The following SHC4 variants were observed in gnomAD, a reference collection of about 807,000 sequenced individuals.
SHC4 encodes SHC adaptor protein 4, also known as SHC-transforming protein 4.
A neutral mutation model predicts 69.4 loss-of-function variants in SHC4; 41 were observed. The ratio of observed to expected loss-of-function variants is 0.59; its 90% confidence interval spans 0.46 to 0.77. The LOEUF (loss-of-function observed/expected upper bound fraction) is 0.77. Among genes scored for constraint, SHC4 ranks in the 30% least tolerant of loss-of-function variants. The pLI is 0.00. For missense variants in SHC4, 777 were observed against 783.8 expected, an observed-to-expected ratio of 0.99 and a Z score of 0.10; for synonymous variants, 318 against 299.3, an observed-to-expected ratio of 1.06 and a Z score of -0.64.
chr15:48,883,826 C>T (rs770875467), intron 4 of SHC4, among the ~76,000 whole-genome samples: 1 of 152,162 alleles, frequency 6.6e-6, no homozygotes, highest in Non-Finnish European at 1.5e-5. Flanking sequence ...AATTTCAGTT[C>T]GCTAGAACAT....
chr15:48,936,246 T>C (rs1901068246), intron 1 of SHC4, among the ~76,000 whole-genome samples: 1 of 152,232 alleles, frequency 6.6e-6, no homozygotes, highest in Non-Finnish European at 1.5e-5. Context: ...TGTTCAGTCA[T>C]TCACATTGGA....
At chr15:48,907,600 A>C (rs1053402996) in intron 2 of SHC4, among the ~76,000 whole-genome samples, 1 of 151,400 alleles carries the variant, frequency 6.6e-6, no homozygotes, top group African/African-American at 2.4e-5. Context: ...CCATTGCATC[A>C]TTCTCATGCC....
At chr15:48,908,595 T>G (rs150050339) in intron 2 of SHC4, among the ~76,000 whole-genome samples, 1,836 of 152,344 alleles carry the variant, frequency 0.012, 12 homozygotes, top group Middle Eastern at 0.027. Flanking sequence ...TTGCGTTTGC[T>G]TTTGGGTTCT....
intron 4 of SHC4, chr15:48,877,953 T>C: frequency 4.0e-6 from 2 of 499,812 alleles, no homozygotes; most frequent in Non-Finnish European, 3.5e-6. Context: ...AGATACGAAG[T>C]TCGAATCGAT....
At chr15:48,829,748 G>A (rs1898761195) in intron 11 of SHC4, among the ~76,000 whole-genome samples, 1 of 152,042 alleles carries the variant, frequency 6.6e-6, no homozygotes, top group Admixed American at 6.6e-5. Context: ...GTGAAACCTC[G>A]TCTCCACTAA....
chr15:48,866,128 GTGT>G (rs1405371491), intron 6 of SHC4, among the ~76,000 whole-genome samples: 2 of 152,110 alleles, frequency 1.3e-5, no homozygotes, highest in African/African-American at 2.4e-5. Flanking sequence ...AAGACAAAAA[GTGT>G]TGTTGTTCAG....
At chr15:48,915,310 C>A (rs1595755928) in intron 2 of SHC4, among the ~76,000 whole-genome samples, 1 of 152,180 alleles carries the variant, frequency 6.6e-6, no homozygotes. Context: ...TTGACTTTGT[C>A]ATGCTATCAG....
At chr15:48,888,950 T>C (rs1177576282) in intron 3 of SHC4, among the ~76,000 whole-genome samples, 2 of 146,960 alleles carry the variant, frequency 1.4e-5, no homozygotes, top group African/African-American at 2.5e-5. Flanking sequence ...CACAATAAAG[T>C]GGAGAGAAAA....
At chr15:48,919,816 G>C (rs56118127) in intron 2 of SHC4, among the ~76,000 whole-genome samples, 1 of 151,874 alleles carries the variant, frequency 6.6e-6, no homozygotes, top group Non-Finnish European at 1.5e-5. Flanking sequence ...TAACTGCTTA[G>C]AACACAATCA....
intron 1 of SHC4, among the ~76,000 whole-genome samples, chr15:48,942,418 C>A (rs563197786): frequency 6.6e-6 from 1 of 151,920 alleles, no homozygotes; most frequent in South Asian, 2.1e-4. Flanking sequence ...ATAACCAACA[C>A]CTTCAAGATG....
chr15:48,914,757 G>A (rs949822176), intron 2 of SHC4, among the ~76,000 whole-genome samples: 8 of 152,134 alleles, frequency 5.3e-5, no homozygotes, highest in East Asian at 1.9e-4. Flanking sequence ...ATAAATATAC[G>A]TAATACAAAA....
At chr15:48,872,185 T>C in intron 4 of SHC4, 43 bp from the exon 5 acceptor site, 3 of 1,171,100 alleles carry the variant, frequency 2.6e-6, no homozygotes, top group Non-Finnish European at 3.7e-6. Flanking sequence ...TTAATTGTTA[T>C]TTCTAGTTAT....
At chr15:48,880,974 ATG>A (rs1453607741) in intron 4 of SHC4, among the ~76,000 whole-genome samples, 1 of 126,636 alleles carries the variant, frequency 7.9e-6, no homozygotes, top group Non-Finnish European at 1.6e-5. Flanking sequence ...CTAAATGATG[ATG>A]TGTGTGAGAG....
At position 48,857,741 on chromosome 15, in the gene SHC4, G is replaced by A. The variant is rs199876035; in HGVS notation, c.1021C>T (p.Arg341Trp). 15 of 1,606,294 alleles carry A rather than the reference G, an allele frequency of 9.3e-6. No individual in the cohort carries two copies. Among genetic ancestry groups the A allele is most frequent in the East Asian group, 9.0e-5 (4 of 44,592 alleles). Residue 341 changes from arginine to tryptophan, a missense_variant, in exon 7 of 12, where the codon CGG (arginine) becomes TGG (tryptophan). Coordinates refer to ENST00000332408, the MANE Select transcript of SHC4 (RefSeq NM_203349.4). ...GGATTTTTCAAGTACTGTTTAAACC[G>A]GAGTTCAAAAGCCTGCCCTATGGTA... ...ISTIGQAFEL[R>W]FKQYLKNPSL...
In SHC4 at chr15:48,897,508, CCACACACACACA is replaced by C. The variant is rs57034071; in HGVS notation, c.657-6709_657-6698del. 4.2e-5 allele frequency among the ~76,000 whole-genome samples: 6 copies of C among 142,988 alleles called. No homozygotes were observed. The East Asian group carries it at 8.6e-4, about 20-fold the overall frequency. 93.8% of individuals were successfully genotyped at this position (142,988 alleles called of 152,430 possible). On this transcript the variant is annotated intron_variant, in intron 2 of 11. Coordinates refer to ENST00000332408, the MANE Select transcript of SHC4 (RefSeq NM_203349.4). The stretch of plus-strand genomic sequence containing the variant: ...TTAAGCTCCTCTGGAAGCAATGTCG[CCACACACACACA>C]CACACACACACACGCACACACTTTT...
At chr15:48,943,145 C>T (rs1309496223) in intron 1 of SHC4, among the ~76,000 whole-genome samples, 1 of 152,154 alleles carries the variant, frequency 6.6e-6, no homozygotes, top group Non-Finnish European at 1.5e-5. Context: ...GCAAATTTTC[C>T]ATCTACAATC....
intron 1 of SHC4, among the ~76,000 whole-genome samples, chr15:48,945,076 G>C (rs531556713): frequency 6.6e-6 from 1 of 152,138 alleles, no homozygotes; most frequent in Non-Finnish European, 1.5e-5. Flanking sequence ...CCTTGCTTTC[G>C]ATAACAGTGG....
At chr15:48,863,436 T>C (rs929820965) in intron 6 of SHC4, among the ~76,000 whole-genome samples, 3 of 151,460 alleles carry the variant, frequency 2.0e-5, no homozygotes, top group Admixed American at 6.6e-5. Context: ...TGCTGCATCA[T>C]AGTACATTCT....
chr15:48,841,606 A>G (rs912006380), intron 10 of SHC4, among the ~76,000 whole-genome samples: 2 of 152,210 alleles, frequency 1.3e-5, no homozygotes, highest in East Asian at 3.9e-4. Context: ...GGCCCAATGT[A>G]GGACAACTCC....
Sources: gnomAD v4.1 joint callset for allele counts (sites outside exome capture counted in the v4.1 genomes callset) on GRCh38, gnomAD v4.1.1 for gene constraint, MANE v1.5 for transcripts, NCBI Gene and HGNC (gene_info 2026-07-23, HGNC 2026-07-21) for gene names.